ADAM20: variants seen among roughly 807,000 people sequenced by gnomAD.
ADAM20 encodes disintegrin and metalloproteinase domain-containing protein 20.
For missense variants in ADAM20, 871 were observed against 883.2 expected, an observed-to-expected ratio of 0.99 and a Z score of 0.18; for synonymous variants, 305 against 310.2, an observed-to-expected ratio of 0.98 and a Z score of 0.18.
intron 1 of ADAM20, among the ~76,000 whole-genome samples, chr14:70,525,719 A>C (rs1883575151): frequency 6.6e-6 from 1 of 152,122 alleles, no homozygotes; most frequent in South Asian, 2.1e-4. Context: ...TGTGCTCTAA[A>C]TTGATAGTCA....
At chr14:70,559,683 C>T in the ADAM20 span, among the ~76,000 whole-genome samples, 14 of 152,312 alleles carry the variant, frequency 9.2e-5, no homozygotes, top group East Asian at 5.8e-4. Flanking sequence ...AATTCATGTC[C>T]TATTTATTCT....
At chr14:70,537,264 C>T (rs1235332350), upstream of ADAM20, among the ~76,000 whole-genome samples, 1 of 152,166 alleles carries the variant, frequency 6.6e-6, no homozygotes, top group Non-Finnish European at 1.5e-5. Flanking sequence ...GTTGGGGCTA[C>T]TCTCCAGTGA....
At chr14:70,540,108 T>C in the ADAM20 span, among the ~76,000 whole-genome samples, 2 of 152,192 alleles carry the variant, frequency 1.3e-5, no homozygotes, top group African/African-American at 4.8e-5. Flanking sequence ...CTCAGTCTCT[T>C]GACCTCGTGA....
chr14:70,574,433 G>A, the ADAM20 span, among the ~76,000 whole-genome samples: 1 of 151,800 alleles, frequency 6.6e-6, no homozygotes, highest in African/African-American at 2.4e-5. Context: ...GAGGTCAGGA[G>A]ATTGAGACCA....
At chr14:70,554,942 C>T in the ADAM20 span, among the ~76,000 whole-genome samples, 1 of 152,160 alleles carries the variant, frequency 6.6e-6, no homozygotes, top group Non-Finnish European at 1.5e-5. Flanking sequence ...TCAAAGGCGT[C>T]GTGACAGAAT....
At chr14:70,564,734 CA>C in the ADAM20 span, among the ~76,000 whole-genome samples, 1 of 129,180 alleles carries the variant, frequency 7.7e-6, no homozygotes, top group South Asian at 2.5e-4. Flanking sequence ...GAGATAGACG[CA>C]ATTTTTTTTT....
chr14:70,542,445 T>C, the ADAM20 span, among the ~76,000 whole-genome samples: 1 of 152,196 alleles, frequency 6.6e-6, no homozygotes, highest in African/African-American at 2.4e-5. Flanking sequence ...ACACAGTCCC[T>C]GTACAGGGTT....
the ADAM20 span, among the ~76,000 whole-genome samples, chr14:70,545,958 A>C: frequency 6.6e-6 from 1 of 152,234 alleles, no homozygotes; most frequent in Non-Finnish European, 1.5e-5. Flanking sequence ...CAAGACCACA[A>C]AACAAGTCTG....
the ADAM20 span, among the ~76,000 whole-genome samples, chr14:70,553,309 T>TAAAAAAAAA: frequency 4.6e-4 from 8 of 17,256 alleles, no homozygotes; most frequent in African/African-American, 7.2e-4. Flanking sequence ...TAGAGTATAA[T>TAAAAAAAAA]AAAAAAAAAA....
rs1191406714 is a variant in ADAM20 at position 70,524,112 on chromosome 14, C to G, written c.646G>C (p.Asp216His). 1 of 1,613,828 alleles carries G rather than the reference C, an allele frequency of 6.2e-7. No homozygotes were observed. Among genetic ancestry groups the G allele is most frequent in the African/African-American group, 1.3e-5 (1 of 75,016 alleles). ...TGAGAGAAAAGATATCTAATATTAT[C>G]CACGACCACTACCAGCTCAACAAAC... is the stretch of plus-strand genomic sequence containing the variant. Reference protein sequence around the residue: ...QRFVELVVVVDNIRYLFSQSN... With the variant: ...QRFVELVVVVHNIRYLFSQSN... Residue 216 changes from aspartate to histidine, a missense_variant, in exon 2 of 2, where the codon GAT (aspartate) becomes CAT (histidine). Asp to His is a moderately conservative substitution (Grantham distance 81, BLOSUM62 -1). Transcript: ENST00000256389.
Position 70,523,833 on chromosome 14 carries a change from C to A in ADAM20, c.925G>T (p.Gly309Cys), listed in dbSNP as rs138878809. 1.6e-5 allele frequency: 26 copies of A among 1,613,884 alleles called. No individual in the cohort carries two copies. Among genetic ancestry groups the A allele is most frequent in the Non-Finnish European group, 1.9e-5 (23 of 1,179,972 alleles). ...FIKDTQGMKL[G>C]VAYVKGICQN... ...CATATTCCTTTAACATAGGCAACAC[C>A]AAGCTTCATGCCTTGTGTGTCTTTT... Residue 309 changes from glycine (G) to cysteine (C), a missense_variant, in exon 2 of 2, where the codon GGT becomes TGT. Physicochemically the swap from Gly to Cys is radical, Grantham distance 159 (BLOSUM62 -3). Transcript: ENST00000256389.
At chr14:70,552,976 G>A in the ADAM20 span, among the ~76,000 whole-genome samples, 1 of 54,352 alleles carries the variant, frequency 1.8e-5, no homozygotes, top group Non-Finnish European at 3.4e-5. Flanking sequence ...ATACTATGCA[G>A]CCATAAAAAA....
At chr14:70,541,133 T>C in the ADAM20 span, among the ~76,000 whole-genome samples, 1 of 152,136 alleles carries the variant, frequency 6.6e-6, no homozygotes, top group African/African-American at 2.4e-5. Flanking sequence ...TAAAGTAAAT[T>C]AACTGGTTAA....
At chr14:70,560,267 C>T in the ADAM20 span, among the ~76,000 whole-genome samples, 1 of 152,086 alleles carries the variant, frequency 6.6e-6, no homozygotes, top group South Asian at 2.1e-4. Flanking sequence ...ATGAAACTAT[C>T]ACTATTTATG....
Position 70,523,890 on chromosome 14 carries a change from G to A in ADAM20, c.868C>T (p.Arg290Ter), listed in dbSNP as rs778491103. Residue 290 changes from arginine to a stop codon, truncating the protein, a stop_gained, in exon 2 of 2, where the codon CGA (arginine) becomes TGA (stop). Coordinates refer to ENST00000256389, the MANE Select transcript of ADAM20 (RefSeq NM_003814.5). LOFTEE classifies it low-confidence loss of function (END_TRUNC). ...SIWKNYNLNN[R>*]LQHDVAHLFI... is the part of the protein sequence containing the mutation. ...AGATGTGCAACATCATGTTGTAGTC[G>A]ATTATTAAGGTTATAATTCTTCCAA... 13 of 1,613,876 alleles carry A rather than the reference G, an allele frequency of 8.1e-6. No individual in the cohort carries two copies. The highest frequency in any genetic ancestry group is 3.3e-4 in the Middle Eastern group (2 of 6,058).
rs1468268666 is a variant in ADAM20 at position 70,523,349 on chromosome 14, C to T, written c.1409G>A (p.Gly470Asp). Residue 470 changes from glycine to aspartate, a missense_variant, in exon 2 of 2, where the codon GGT (glycine) becomes GAT (aspartate). Coordinates refer to ENST00000256389, the MANE Select transcript of ADAM20 (RefSeq NM_003814.5). ...GCACCACTCTGGAAGGTCACATTCA[C>T]CAACTTGTTGTCTACATAAAGTTCC... ...PSGTLCRQQVGECDLPEWCNG... is the reference protein window; with the variant it reads ...PSGTLCRQQVDECDLPEWCNG... 6.2e-7 allele frequency: 1 copy of T among 1,613,970 alleles called. No individual in the cohort carries two copies. Among genetic ancestry groups the T allele is most frequent in the Admixed American group, 1.7e-5 (1 of 59,966 alleles).
At chr14:70,536,973 C>T (rs1364644355), upstream of ADAM20, among the ~76,000 whole-genome samples, 2 of 151,518 alleles carry the variant, frequency 1.3e-5, no homozygotes, top group East Asian at 3.9e-4. Flanking sequence ...TGTCCAGAAG[C>T]CCCTCTCAGG....
At chr14:70,553,896 C>G in the ADAM20 span, among the ~76,000 whole-genome samples, 1 of 152,202 alleles carries the variant, frequency 6.6e-6, no homozygotes, top group Admixed American at 6.5e-5. Flanking sequence ...TGCCCACTGT[C>G]ACCACTGTTA....
chr14:70,559,920 C>T, the ADAM20 span, among the ~76,000 whole-genome samples: 1 of 152,088 alleles, frequency 6.6e-6, no homozygotes, highest in African/African-American at 2.4e-5. Flanking sequence ...TAGGCTATGA[C>T]CAAGATAGGG....
Sources: gnomAD v4.1 joint callset for allele counts (sites outside exome capture counted in the v4.1 genomes callset) on GRCh38, gnomAD v4.1.1 for gene constraint, MANE v1.5 for transcripts, NCBI Gene and HGNC (gene_info 2026-07-23, HGNC 2026-07-21) for gene names.